The following TRAM1L1 variants were observed in gnomAD, a reference collection of about 807,000 sequenced individuals.
The protein encoded by TRAM1L1 is translocating chain-associated membrane protein 1-like 1.
For missense variants in TRAM1L1, 451 were observed against 439.9 expected (o/e 1.03, Z -0.23); for synonymous variants, 189 against 163.6 (o/e 1.16, Z -1.18).
Position 117,084,362 on chromosome 4 carries a change from T to C in TRAM1L1, c.1032A>G (p.Lys344=), listed in dbSNP as rs1409375100. Residue 344 remains lysine, a synonymous_variant, in exon 1 of 1, where the codon AAA becomes AAG. Transcript: ENST00000310754. Reference sequence around the variant, plus strand: ...CCACTCCCACTCCGTTTTCTGTTCTTTTTTTAGAAGATCTCGACCGTTTCT... The same window carrying C: ...CCACTCCCACTCCGTTTTCTGTTCTCTTTTTAGAAGATCTCGACCGTTTCT... ...MKKKRSRSSK[K]RTENGVGVET... The C allele has an allele frequency of 2.5e-6, 4 of 1,614,080 alleles. No homozygotes were observed. Among genetic ancestry groups the C allele is most frequent in the Non-Finnish European group, 1.7e-6 (2 of 1,180,052 alleles).
Position 117,085,437 on chromosome 4 carries a change from C to A in TRAM1L1, c.-44G>T, listed in dbSNP as rs747232935. ...CTCACCGGCGAGCCGCAGCTGCCTC[C>A]CCCTGGCTGCTCCTCACAGCGCCGC... is the stretch of plus-strand genomic sequence containing the variant. On this transcript the variant is annotated 5_prime_UTR_variant, in exon 1 of 1. Transcript: ENST00000310754. The A allele has an allele frequency of 1.9e-6, 3 of 1,572,104 alleles. No individual in the cohort carries two copies. The highest frequency in any genetic ancestry group is 2.7e-5 in the African/African-American group (2 of 74,264).
chr4:117,085,555 AG>A lies in TRAM1L1; in HGVS notation c.-163del, dbSNP rs1732443273. ...CCAGAAAAAAAATAAATCAAAGGCG[AG>A]GGCCGAGCTGAGCTGAGCATGCGCA... On this transcript the variant is annotated 5_prime_UTR_variant, in exon 1 of 1. An upstream open reading frame in the 5' UTR gains an earlier in-frame stop. Coordinates refer to ENST00000310754, the MANE Select transcript of TRAM1L1 (RefSeq NM_152402.3). 2.0e-6 allele frequency: 2 copies of A among 979,692 alleles called. No homozygotes were observed. Among genetic ancestry groups the A allele is most frequent in the Non-Finnish European group, 1.5e-6 (1 of 672,684 alleles). The allele number at this position is 979,692 out of a possible 1,614,324, so 60.7% of individuals were successfully genotyped here. A position where few individuals can be genotyped will look rare whatever the true frequency, so the allele number is the denominator to read the frequency against.
Position 117,084,449 on chromosome 4 carries a change from T to G in TRAM1L1, c.945A>C (p.Leu315Phe). 6.2e-7 allele frequency: 1 copy of G among 1,614,162 alleles called. No individual in the cohort carries two copies. Among genetic ancestry groups the G allele is most frequent in the East Asian group, 2.2e-5 (1 of 44,878 alleles). ...CTIQAYVTWN[L>F]ITLWLQRWVE... ...CCCACCTCTGAAGCCAGAGAGTAAT[T>G]AAGTTCCATGTTACGTAGGCTTGGA... Residue 315 changes from leucine (L) to phenylalanine (F), a missense_variant, in exon 1 of 1, where the codon TTA becomes TTC. Physicochemically the swap from Leu to Phe is conservative, Grantham distance 22. Coordinates refer to ENST00000310754, the MANE Select transcript of TRAM1L1 (RefSeq NM_152402.3).
At position 117,085,152 on chromosome 4, in the gene TRAM1L1, G is replaced by T; in HGVS notation, c.242C>A (p.Ala81Asp). Residue 81 changes from alanine (A) to aspartate (D), a missense_variant, in exon 1 of 1, where the codon GCC (alanine) becomes GAC (aspartate). By Grantham distance (126) the Ala-to-Asp change is moderately radical. Coordinates refer to ENST00000310754, the MANE Select transcript of TRAM1L1 (RefSeq NM_152402.3). Reference sequence around the variant, plus strand: ...CACCAGCATGTAGAAGAAAACCGTGGCCAAATCTTTGACACCATAATAATA... The same window carrying T: ...CACCAGCATGTAGAAGAAAACCGTGTCCAAATCTTTGACACCATAATAATA... ...SLYYYGVKDLATVFFYMLVAI... is the reference protein window; with the variant it reads ...SLYYYGVKDLDTVFFYMLVAI... 6.2e-7 allele frequency: 1 copy of T among 1,614,056 alleles called. No homozygotes were observed.
At position 117,083,582 on chromosome 4, in the gene TRAM1L1, G is replaced by A. The variant is rs182187131; in HGVS notation, c.*702C>T. 1 of 151,978 alleles carries A rather than the reference G, an allele frequency of 6.6e-6. No individual in the cohort carries two copies. Among genetic ancestry groups the A allele is most frequent in the Non-Finnish European group, 1.5e-5 (1 of 67,938 alleles). 9.4% of individuals were successfully genotyped at this position (151,978 alleles called of 1,614,324 possible). A position where few individuals can be genotyped will look rare whatever the true frequency, so the allele number is the denominator to read the frequency against. ...TTTTTAAAGTAATATTTAATTTCAT[G>A]AATTCCCATTTACAAGTGGAATGGA... On this transcript the variant is annotated 3_prime_UTR_variant, in exon 1 of 1. Transcript: ENST00000310754.
rs746130467 is a variant in TRAM1L1, at chr4:117,085,281, A to G, written c.113T>C (p.Leu38Pro). 6.2e-7 allele frequency: 1 copy of G among 1,614,094 alleles called. No individual in the cohort carries two copies. The highest frequency in any genetic ancestry group is 1.7e-5 in the Admixed American group (1 of 60,014). ...SCVGMFFLLG[L>P]VFEGTAEASI... is the part of the protein sequence containing the mutation. Reference sequence around the variant, plus strand: ...TGCTTCTGCTGTTCCCTCGAACACAAGCCCCAGCAGGAAGAACATCCCCAC... The same window carrying G: ...TGCTTCTGCTGTTCCCTCGAACACAGGCCCCAGCAGGAAGAACATCCCCAC... Residue 38 changes from leucine (L) to proline (P), a missense_variant, in exon 1 of 1, where the codon CTT (leucine) becomes CCT (proline). Physicochemically the swap from Leu to Pro is moderately conservative, Grantham distance 98. Transcript: ENST00000310754.
chr4:117,085,008 T>G lies in TRAM1L1; in HGVS notation c.386A>C (p.Tyr129Ser), dbSNP rs779951867. The G allele has an allele frequency of 4.3e-6, 7 of 1,613,922 alleles. No individual in the cohort carries two copies. The East Asian group carries it at 1.1e-4, about 26-fold the overall frequency. Residue 129 changes from tyrosine to serine, a missense_variant, in exon 1 of 1, where the codon TAC becomes TCC. Tyr to Ser is a moderately radical substitution (Grantham distance 144, BLOSUM62 -2). Transcript: ENST00000310754. ...FNESGQFSVFYFFSCIWGTFI... is the reference protein window; with the variant it reads ...FNESGQFSVFSFFSCIWGTFI... Reference sequence around the variant, plus strand: ...TGTGCCCCAAATACAAGAAAAAAAGTAGAACACACTAAACTGACCAGACTC... The same window carrying G: ...TGTGCCCCAAATACAAGAAAAAAAGGAGAACACACTAAACTGACCAGACTC...
At position 117,084,843 on chromosome 4, in the gene TRAM1L1, T is replaced by G; in HGVS notation, c.551A>C (p.Tyr184Ser). The G allele has an allele frequency of 6.2e-7, 1 of 1,614,066 alleles. No homozygotes were observed. Among genetic ancestry groups the G allele is most frequent in the Middle Eastern group, 1.6e-4 (1 of 6,062 alleles). Reference sequence around the variant, plus strand: ...GTCTTGTTTTTTGGTTTTCTGGAAGTAGAGTTCAGGAAAAGCATGAAACCA... The same window carrying G: ...GTCTTGTTTTTTGGTTTTCTGGAAGGAGAGTTCAGGAAAAGCATGAAACCA... ...AYWFHAFPEL[Y>S]FQKTKKQDIP... The change falls in exon 1 of 1, where the codon TAC becomes TCC. Residue 184 changes from tyrosine (Y) to serine (S), a missense_variant. Transcript: ENST00000310754.
Position 117,084,210 on chromosome 4 carries a change from A to T in TRAM1L1, c.*74T>A. 6.9e-7 allele frequency: 1 copy of T among 1,447,962 alleles called. No individual in the cohort carries two copies. The highest frequency in any genetic ancestry group is 9.2e-7 in the Non-Finnish European group (1 of 1,081,836). 89.7% of individuals were successfully genotyped at this position (1,447,962 alleles called of 1,614,324 possible). A position where few individuals can be genotyped will look rare whatever the true frequency, so the allele number is the denominator to read the frequency against. ...GAGCACGAACTATTTTCAAAAACAG[A>T]AAAATCTCTAGTGCAGAAAGAAACC... On this transcript the variant is annotated 3_prime_UTR_variant, in exon 1 of 1. Transcript: ENST00000310754.
rs1732426174 is a variant in TRAM1L1 at position 117,085,074 on chromosome 4, T to C, written c.320A>G (p.Lys107Arg). ...TTTCGCTTTGGTGAACTGCATTCTC[T>C]TGTTAATTTTATCCAACACATATTC... ...IQEYVLDKIN[K>R]RMQFTKAKQN... is the part of the protein sequence containing the mutation. Residue 107 changes from lysine to arginine, a missense_variant, in exon 1 of 1, where the codon AAG (lysine) becomes AGG (arginine). By Grantham distance (26) the Lys-to-Arg change is conservative (BLOSUM62 2). Coordinates refer to ENST00000310754, the MANE Select transcript of TRAM1L1 (RefSeq NM_152402.3). 1.2e-6 allele frequency: 2 copies of C among 1,614,138 alleles called. No homozygotes were observed. Among genetic ancestry groups the C allele is most frequent in the Non-Finnish European group, 1.7e-6 (2 of 1,180,034 alleles).
rs910179596 is a variant in TRAM1L1, at chr4:117,085,271, C to T, written c.123G>A (p.Glu41=). The T allele has an allele frequency of 1.2e-6, 2 of 1,614,116 alleles. No individual in the cohort carries two copies. The highest frequency in any genetic ancestry group is 2.7e-5 in the African/African-American group (2 of 75,034). Residue 41 remains glutamate (E), a synonymous_variant, in exon 1 of 1, where the codon GAG becomes GAA. Transcript: ENST00000310754. ...ACACGATGGATGCTTCTGCTGTTCC[C>T]TCGAACACAAGCCCCAGCAGGAAGA... is the stretch of plus-strand genomic sequence containing the variant. The part of the protein sequence containing the change: ...GMFFLLGLVF[E]GTAEASIVFL...
Position 117,084,862 on chromosome 4 carries a change from G to T in TRAM1L1, c.532C>A (p.His178Asn), listed in dbSNP as rs1215758681. 6.2e-7 allele frequency: 1 copy of T among 1,614,180 alleles called. No individual in the cohort carries two copies. The change falls in exon 1 of 1, where the codon CAT becomes AAT. Residue 178 changes from histidine to asparagine, a missense_variant. His to Asn is a moderately conservative substitution (Grantham distance 68). Coordinates refer to ENST00000310754, the MANE Select transcript of TRAM1L1 (RefSeq NM_152402.3). ...FYISQLAYWF[H>N]AFPELYFQKT... ...TGGAAGTAGAGTTCAGGAAAAGCAT[G>T]AAACCAGTAAGCCAACTGGGATATG...
chr4:117,084,185 G>T lies in TRAM1L1; in HGVS notation c.*99C>A. ...AAACAGTTCAATAACAAAAACCGAA[G>T]AGCACGAACTATTTTCAAAAACAGA... On this transcript the variant is annotated 3_prime_UTR_variant, in exon 1 of 1. Coordinates refer to ENST00000310754, the MANE Select transcript of TRAM1L1 (RefSeq NM_152402.3). The T allele has an allele frequency of 1.6e-6, 2 of 1,229,114 alleles. No homozygotes were observed. The highest frequency in any genetic ancestry group is 3.3e-5 in the South Asian group (2 of 60,980). The allele number at this position is 1,229,114 out of a possible 1,614,324, so 76.1% of individuals were successfully genotyped here.
At position 117,084,757 on chromosome 4, in the gene TRAM1L1, A is replaced by G; in HGVS notation, c.637T>C (p.Leu213=). The stretch of plus-strand genomic sequence containing the variant: ...AGAAGTCCCAAATGATTCAAGTACA[A>G]GAGATAAGCTCCAGTAATGTGGAAG... ...HLFHITGAYL[L]YLNHLGLLLL... The change falls in exon 1 of 1, where the codon TTG becomes CTG. Residue 213 remains leucine, a synonymous_variant. Coordinates refer to ENST00000310754, the MANE Select transcript of TRAM1L1 (RefSeq NM_152402.3). The G allele has an allele frequency of 6.2e-7, 1 of 1,614,188 alleles. No homozygotes were observed. The highest frequency in any genetic ancestry group is 8.5e-7 in the Non-Finnish European group (1 of 1,180,018).
Position 117,085,458 on chromosome 4 carries a change from G to C in TRAM1L1, c.-65C>G. 1 of 1,545,996 alleles carries C rather than the reference G, an allele frequency of 6.5e-7. No individual in the cohort carries two copies. On this transcript the variant is annotated 5_prime_UTR_variant, in exon 1 of 1. Transcript: ENST00000310754. ...CCTCCCCCTGGCTGCTCCTCACAGCGCCGCCGCCACGGTAGCAGCTCCGGG... is the reference window on the plus strand; with the variant it reads ...CCTCCCCCTGGCTGCTCCTCACAGCCCCGCCGCCACGGTAGCAGCTCCGGG...
chr4:117,084,941 A>G lies in TRAM1L1; in HGVS notation c.453T>C (p.Leu151=). The change falls in exon 1 of 1, where the codon CTT becomes CTC. Residue 151 remains leucine (L), a synonymous_variant. Transcript: ENST00000310754. ...ISENCLSDPT[L]IWKARPHSMM... ...TGCTATGGGGACGAGCCTTCCATAT[A>G]AGAGTTGGGTCTGACAGGCAGTTTT... 1 of 1,614,184 alleles carries G rather than the reference A, an allele frequency of 6.2e-7. No homozygotes were observed. Among genetic ancestry groups the G allele is most frequent in the Non-Finnish European group, 8.5e-7 (1 of 1,180,032 alleles).
rs778542386 is a variant in TRAM1L1, at chr4:117,084,850, C to A, written c.544G>T (p.Glu182Ter). Residue 182 changes from glutamate to a stop codon, truncating the protein, a stop_gained, in exon 1 of 1, where the codon GAA becomes TAA. Transcript: ENST00000310754. LOFTEE classifies it low-confidence loss of function (END_TRUNC). Reference sequence around the variant, plus strand: ...TTTTTGGTTTTCTGGAAGTAGAGTTCAGGAAAAGCATGAAACCAGTAAGCC... The same window carrying A: ...TTTTTGGTTTTCTGGAAGTAGAGTTAAGGAAAAGCATGAAACCAGTAAGCC... ...QLAYWFHAFP[E>*]LYFQKTKKQD... 1 of 1,614,036 alleles carries A rather than the reference C, an allele frequency of 6.2e-7. No homozygotes were observed. The highest frequency in any genetic ancestry group is 1.1e-5 in the South Asian group (1 of 91,066).
In TRAM1L1 at chr4:117,083,643, A is replaced by T. The variant is rs1250244140; in HGVS notation, c.*641T>A. 1 of 152,548 alleles carries T rather than the reference A, an allele frequency of 6.6e-6. No individual in the cohort carries two copies. Among genetic ancestry groups the T allele is most frequent in the Non-Finnish European group, 1.5e-5 (1 of 68,014 alleles). The allele number at this position is 152,548 out of a possible 1,614,324, so 9.4% of individuals were successfully genotyped here. A position where few individuals can be genotyped will look rare whatever the true frequency, so the allele number is the denominator to read the frequency against. ...TTTAATATTTTTATATTAATTAATGATATTTTGATGCAATATATATGGCAG... is the reference window on the plus strand; with the variant it reads ...TTTAATATTTTTATATTAATTAATGTTATTTTGATGCAATATATATGGCAG... On this transcript the variant is annotated 3_prime_UTR_variant, in exon 1 of 1. Transcript: ENST00000310754.
rs1732394986 is a variant in TRAM1L1, at chr4:117,083,888, A to C, written c.*396T>G. 1 of 160,180 alleles carries C rather than the reference A, an allele frequency of 6.2e-6. No homozygotes were observed. The highest frequency in any genetic ancestry group is 6.4e-5 in the Admixed American group (1 of 15,522). The allele number at this position is 160,180 out of a possible 1,614,324, so 9.9% of individuals were successfully genotyped here. ...TTATTTTACCCCAAAGCAAGCATTA[A>C]ACACATAATCTTGCTAGGAGAGACC... On this transcript the variant is annotated 3_prime_UTR_variant, in exon 1 of 1. Transcript: ENST00000310754.
Sources: gnomAD v4.1 joint callset for allele counts on GRCh38, gnomAD v4.1.1 for gene constraint, MANE v1.5 for transcripts, NCBI Gene and HGNC (gene_info 2026-07-23, HGNC 2026-07-21) for gene names.